The following PLCE1 variants were observed in gnomAD, a reference collection of about 807,000 sequenced individuals.
PLCE1 encodes the protein 1-phosphatidylinositol 4,5-bisphosphate phosphodiesterase epsilon-1.
A neutral mutation model predicts 242.8 loss-of-function variants in PLCE1; 119 were observed. The ratio of observed to expected loss-of-function variants is 0.49; its 90% CI spans 0.42 to 0.57. The LOEUF is 0.57. Ranked by LOEUF, PLCE1 falls within the 20% of genes least tolerant of loss-of-function variation. The pLI, the probability that PLCE1 is intolerant of heterozygous loss-of-function variation, is 0.00. For missense variants in PLCE1, 2,441 were observed against 2,788.8 expected (o/e 0.88, Z 2.81); for synonymous variants, 945 against 1,017.4 (o/e 0.93, Z 1.35).
intron 5 of PLCE1, 86 bp downstream of exon 5, chr10:94,227,537 CT>C: frequency 1.6e-6 from 2 of 1,256,744 alleles, no homozygotes; most frequent in Non-Finnish European, 2.3e-6. Context: ...AGGGACTCAC[CT>C]TTACCCAAGC....
Position 94,245,572 on chromosome 10 carries a change from C to T in PLCE1, c.2421-374C>T, listed in dbSNP as rs372894674. On this transcript the variant is annotated intron_variant, in intron 7 of 32. Coordinates refer to ENST00000371380, the MANE Select transcript of PLCE1 (RefSeq NM_016341.4). ...CACGATCGCAGCTCACTGCAAGCTC[C>T]GCCTCCCGGGTTCAAGCAATTCTCC... Among the ~76,000 whole-genome samples the T allele has an allele frequency of 2.2e-4, 34 of 152,208 alleles. No homozygotes were observed. The South Asian group carries it at 4.6e-3, about 20-fold the overall frequency.
chr10:94,235,235 A>C lies in PLCE1; in HGVS notation c.2215-680A>C, dbSNP rs149881153. Among the ~76,000 whole-genome samples the C allele has an allele frequency of 3.5e-3, 531 of 152,220 alleles. 3 individuals are homozygous for C. The highest frequency in any genetic ancestry group is 0.012 in the African/African-American group (508 of 41,534). On this transcript the variant is annotated intron_variant, in intron 6 of 32. Coordinates refer to ENST00000371380, the MANE Select transcript of PLCE1 (RefSeq NM_016341.4). ...GCTCCTGACAGGTACAGGCAACACCACCGGCATCTCTCTGGGTTATGAGCT... is the reference window on the plus strand; with the variant it reads ...GCTCCTGACAGGTACAGGCAACACCCCCGGCATCTCTCTGGGTTATGAGCT...
Position 94,030,948 on chromosome 10 carries a change from C to A in PLCE1, c.-99C>A. ...TTGTTCTTTGGGAGGACTTGTGTAT[C>A]TGAGATTGTTGTAATAATCAGTCAT... On this transcript the variant is annotated 5_prime_UTR_variant, in exon 2 of 33. The change creates a new upstream start codon in the 5' untranslated region. Coordinates refer to ENST00000371380, the MANE Select transcript of PLCE1 (RefSeq NM_016341.4). 8.4e-7 allele frequency: 1 copy of A among 1,186,092 alleles called. No homozygotes were observed. The highest frequency in any genetic ancestry group is 1.3e-6 in the Non-Finnish European group (1 of 793,744). 73.5% of individuals were successfully genotyped at this position (1,186,092 alleles called of 1,614,324 possible).
At chr10:94,218,773 G>A (rs2049614834) in intron 4 of PLCE1, among the ~76,000 whole-genome samples, 1 of 151,430 alleles carries the variant, frequency 6.6e-6, no homozygotes. Flanking sequence ...GAGGGCAACT[G>A]GGACCAAGAA....
chr10:94,329,797 A>AC lies in PLCE1; in HGVS notation c.*1854_*1855insC, dbSNP rs1564905180. 2.7e-5 allele frequency: 4 copies of AC among 150,376 alleles called. No individual in the cohort carries two copies. The highest frequency in any genetic ancestry group is 7.3e-5 in the African/African-American group (3 of 41,018). The allele number at this position is 150,376 out of a possible 1,614,324, so 9.3% of individuals were successfully genotyped here. A position where few individuals can be genotyped will look rare whatever the true frequency, so the allele number is the denominator to read the frequency against. On this transcript the variant is annotated 3_prime_UTR_variant, in exon 33 of 33. Coordinates refer to ENST00000371380, the MANE Select transcript of PLCE1 (RefSeq NM_016341.4). ...GTCTCAAAAAAAAAAAAAAAAAAAAAAAAAAAAAAAAAAACACCATACAGC... is the reference window on the plus strand; with the variant it reads ...GTCTCAAAAAAAAAAAAAAAAAAAAACAAAAAAAAAAAAAACACCATACAGC...
intron 4 of PLCE1, among the ~76,000 whole-genome samples, chr10:94,221,273 C>T (rs2049734329): frequency 2.0e-5 from 3 of 152,200 alleles, no homozygotes; most frequent in South Asian, 2.1e-4. Context: ...CAGTGCTCCA[C>T]ATTTGAGAAG....
intron 2 of PLCE1, among the ~76,000 whole-genome samples, chr10:94,095,560 T>A (rs188662431): frequency 9.9e-5 from 15 of 152,150 alleles, no homozygotes; most frequent in Non-Finnish European, 2.1e-4. Context: ...TTTCATTATG[T>A]TTCCCAGGCT....
chr10:94,236,916 A>T (rs1319252226), intron 7 of PLCE1, among the ~76,000 whole-genome samples: 2 of 152,200 alleles, frequency 1.3e-5, no homozygotes, highest in Admixed American at 1.3e-4. Context: ...GATTTTGTAG[A>T]TGCTTTTAAG....
At chr10:94,003,932 G>T (rs1369333312) in intron 1 of PLCE1, among the ~76,000 whole-genome samples, 1 of 152,148 alleles carries the variant, frequency 6.6e-6, no homozygotes, top group East Asian at 1.9e-4. Context: ...TGGATCATGA[G>T]GTCAGGAGTT....
intron 2 of PLCE1, among the ~76,000 whole-genome samples, chr10:94,065,681 T>C (rs2044177611): frequency 6.6e-6 from 1 of 152,218 alleles, no homozygotes; most frequent in African/African-American, 2.4e-5. Context: ...AGAAGGCCTT[T>C]AATTAATGTT....
chr10:94,049,846 A>T (rs1441033284), intron 2 of PLCE1, among the ~76,000 whole-genome samples: 2 of 152,174 alleles, frequency 1.3e-5, no homozygotes, highest in Non-Finnish European at 2.9e-5. Flanking sequence ...ATTTTTGAAC[A>T]TTATATAAAA....
chr10:94,189,157 T>G (rs1391244753), intron 4 of PLCE1, among the ~76,000 whole-genome samples: 2 of 151,184 alleles, frequency 1.3e-5, no homozygotes, highest in Non-Finnish European at 2.9e-5. Flanking sequence ...CCAGCATTTC[T>G]CAAATATACT....
rs2061058241 is a variant in PLCE1, at chr10:94,007,337, G to A, written c.-365+13079G>A. ...TTGAATCTGTGGGTGGGAGGGGAGGGGATGGCCAAGGAGTGGCTGGTGCTA... is the reference window on the plus strand; with the variant it reads ...TTGAATCTGTGGGTGGGAGGGGAGGAGATGGCCAAGGAGTGGCTGGTGCTA... On this transcript the variant is annotated intron_variant, in intron 1 of 32. Coordinates refer to ENST00000371380, the MANE Select transcript of PLCE1 (RefSeq NM_016341.4). 2.6e-5 allele frequency among the ~76,000 whole-genome samples: 4 copies of A among 151,638 alleles called. No homozygotes were observed. The South Asian group carries it at 8.3e-4, about 32-fold the overall frequency.
chr10:94,263,555 G>C (rs989637515), intron 14 of PLCE1, among the ~76,000 whole-genome samples: 1 of 151,226 alleles, frequency 6.6e-6, no homozygotes, highest in Non-Finnish European at 1.5e-5. Context: ...AGCCAGGCAT[G>C]GTGGTCCACG....
chr10:94,125,238 A>G (rs905197244), intron 2 of PLCE1, among the ~76,000 whole-genome samples: 1 of 152,176 alleles, frequency 6.6e-6, no homozygotes, highest in African/African-American at 2.4e-5. Context: ...CAAACAAACA[A>G]AAAGTGATGG....
intron 30 of PLCE1, 48 bp from the exon 31 acceptor site, chr10:94,324,301 G>C (rs1345868262): frequency 6.9e-7 from 1 of 1,442,092 alleles, no homozygotes; most frequent in African/African-American, 1.4e-5. Context: ...GAATGCAAAT[G>C]TTGGAGATTC....
intron 2 of PLCE1, among the ~76,000 whole-genome samples, chr10:94,066,767 G>C (rs939579927): frequency 6.6e-6 from 1 of 152,184 alleles, no homozygotes; most frequent in Non-Finnish European, 1.5e-5. Context: ...AGTACTGCTG[G>C]AGAGAAATGA....
chr10:94,262,125 C>T (rs1479126040), intron 13 of PLCE1, among the ~76,000 whole-genome samples: 4 of 151,854 alleles, frequency 2.6e-5, no homozygotes, highest in African/African-American at 7.3e-5. Context: ...CTCAGCCTCC[C>T]GAGTGGCTGG....
intron 3 of PLCE1, among the ~76,000 whole-genome samples, chr10:94,148,454 G>A (rs2136087198): frequency 6.6e-6 from 1 of 152,220 alleles, no homozygotes; most frequent in Admixed American, 6.5e-5. Flanking sequence ...TGCTTTCAAG[G>A]TTCATTTCTT....
Sources: allele counts gnomAD v4.1 joint callset (sites outside exome capture counted in the v4.1 genomes callset), GRCh38; gene constraint gnomAD v4.1.1; transcripts MANE v1.5; gene names NCBI Gene and HGNC (gene_info 2026-07-23, HGNC 2026-07-21).